EEF1AKMT1: variants seen among roughly 807,000 people sequenced by gnomAD.
EEF1AKMT1 encodes EEF1A lysine methyltransferase 1.
EEF1AKMT1 carries 18 observed loss-of-function variants against 21.0 expected under a neutral mutation model. That is an observed-to-expected ratio of 0.86 (90% CI 0.59 to 1.27). The LOEUF (loss-of-function observed/expected upper bound fraction) is 1.27. EEF1AKMT1 is among the 50% of genes most tolerant of loss of function. EEF1AKMT1 has a pLI of 0.00. For missense variants in EEF1AKMT1, 246 were observed against 258.6 expected (o/e 0.95, Z 0.33); for synonymous variants, 109 against 94.8 (o/e 1.15, Z -0.87).
chr13:20,741,320 C>G (rs988186362), intron 2 of EEF1AKMT1, among the ~76,000 whole-genome samples: 4 of 151,986 alleles, frequency 2.6e-5, no homozygotes, highest in Non-Finnish European at 5.9e-5. Flanking sequence ...TGCTCCAGTT[C>G]CCAGAGAGGC....
At chr13:20,768,910 C>T (rs1352789358) in intron 1 of EEF1AKMT1, 1 of 151,906 alleles carries the variant, frequency 6.6e-6, no homozygotes, top group Non-Finnish European at 1.5e-5. Flanking sequence ...TTACAATTCT[C>T]CCCAGAAATG....
chr13:20,756,670 G>A (rs1282859415), intron 2 of EEF1AKMT1, among the ~76,000 whole-genome samples: 3 of 152,216 alleles, frequency 2.0e-5, no homozygotes, highest in African/African-American at 7.2e-5. Flanking sequence ...AAGCCTGAAA[G>A]CCAAGCTACA....
chr13:20,749,235 A>G (rs1286376292), intron 2 of EEF1AKMT1, among the ~76,000 whole-genome samples: 1 of 152,048 alleles, frequency 6.6e-6, no homozygotes, highest in African/African-American at 2.4e-5. Context: ...TGGCCTTTCA[A>G]TACAATTTTC....
At chr13:20,759,485 C>T (rs2058988083) in intron 1 of EEF1AKMT1, among the ~76,000 whole-genome samples, 1 of 151,948 alleles carries the variant, frequency 6.6e-6, no homozygotes, top group Non-Finnish European at 1.5e-5. Context: ...GAGGCTGAGG[C>T]AGGAGAATGG....
In EEF1AKMT1 at chr13:20,757,493, C is replaced by T; in HGVS notation, c.106G>A (p.Asp36Asn). The T allele has an allele frequency of 6.2e-7, 1 of 1,614,154 alleles. No individual in the cohort carries two copies. The highest frequency in any genetic ancestry group is 8.5e-7 in the Non-Finnish European group (1 of 1,180,028). The change falls in exon 2 of 5, where the codon GAT becomes AAT. Residue 36 changes from aspartate to asparagine, a missense_variant. Coordinates refer to ENST00000382758, the MANE Select transcript of EEF1AKMT1 (RefSeq NM_001318939.2). Reference protein sequence around the residue: ...EQKQQIEPGEDDKYNIGIIEE... With the variant: ...EQKQQIEPGENDKYNIGIIEE... Reference sequence around the variant, plus strand: ...ATTATTCCAATGTTATATTTATCATCCTCGCCTGGCTCAATTTGTTGCTTT... The same window carrying T: ...ATTATTCCAATGTTATATTTATCATTCTCGCCTGGCTCAATTTGTTGCTTT...
chr13:20,768,390 C>T (rs2059047288), intron 1 of EEF1AKMT1, among the ~76,000 whole-genome samples: 1 of 152,174 alleles, frequency 6.6e-6, no homozygotes, highest in Non-Finnish European at 1.5e-5. Flanking sequence ...ATCCAATGCC[C>T]CATAAATTAT....
chr13:20,745,847 C>T (rs543075402), intron 2 of EEF1AKMT1, among the ~76,000 whole-genome samples: 2 of 149,634 alleles, frequency 1.3e-5, no homozygotes, highest in African/African-American at 4.9e-5. Flanking sequence ...GACTACATCT[C>T]GAAAAAAATA....
chr13:20,730,436 A>G (rs572626151), intron 4 of EEF1AKMT1, among the ~76,000 whole-genome samples: 1 of 152,234 alleles, frequency 6.6e-6, no homozygotes, highest in Admixed American at 6.5e-5. Context: ...CCACAACAGC[A>G]CTCAAGGGTG....
intron 1 of EEF1AKMT1, among the ~76,000 whole-genome samples, chr13:20,768,012 G>A (rs4432108): frequency 0.3 from 45,705 of 152,022 alleles, 8,605 homozygotes; most frequent in East Asian, 0.76. Context: ...CAGTTCACAT[G>A]TTCAATTTTC....
intron 2 of EEF1AKMT1, among the ~76,000 whole-genome samples, chr13:20,738,159 A>G (rs184217680): frequency 3.5e-4 from 53 of 152,324 alleles, no homozygotes; most frequent in African/African-American, 1.3e-3. Context: ...TTAAGCTTCT[A>G]GGTTCAACCA....
chr13:20,738,572 G>A (rs1402817985), intron 2 of EEF1AKMT1, among the ~76,000 whole-genome samples: 2 of 152,176 alleles, frequency 1.3e-5, no homozygotes, highest in Non-Finnish European at 2.9e-5. Context: ...TCTGCCCTGT[G>A]TGGAAACAAC....
chr13:20,765,415 T>TG (rs1566539271), intron 1 of EEF1AKMT1, among the ~76,000 whole-genome samples: 3 of 127,622 alleles, frequency 2.4e-5, no homozygotes, highest in African/African-American at 9.2e-5. Context: ...GTTTTTTTTT[T>TG]TTTTTTTTTT....
chr13:20,758,689 A>G (rs1389410403), intron 1 of EEF1AKMT1, among the ~76,000 whole-genome samples: 2 of 152,212 alleles, frequency 1.3e-5, no homozygotes, highest in African/African-American at 2.4e-5. Context: ...TTCATATGGA[A>G]CTAAAAAAGA....
intron 2 of EEF1AKMT1, among the ~76,000 whole-genome samples, chr13:20,743,452 T>C (rs2058884041): frequency 1.3e-5 from 2 of 151,356 alleles, no homozygotes; most frequent in Middle Eastern, 3.4e-3. Context: ...AATTTTTTTT[T>C]CCAAATCTAG....
At chr13:20,739,695 C>T (rs1360347998) in intron 2 of EEF1AKMT1, among the ~76,000 whole-genome samples, 1 of 152,210 alleles carries the variant, frequency 6.6e-6, no homozygotes, top group African/African-American at 2.4e-5. Context: ...AATCCTTTAG[C>T]TAGACACAAA....
chr13:20,754,656 C>A (rs1779060748), intron 2 of EEF1AKMT1, among the ~76,000 whole-genome samples: 3 of 151,166 alleles, frequency 2.0e-5, no homozygotes, highest in Non-Finnish European at 4.4e-5. Flanking sequence ...TGCCTGTAAT[C>A]CCAGTACTTT....
intron 3 of EEF1AKMT1, among the ~76,000 whole-genome samples, chr13:20,735,994 T>G (rs1357688079): frequency 6.6e-6 from 1 of 151,324 alleles, no homozygotes; most frequent in Non-Finnish European, 1.5e-5. Flanking sequence ...GAAGATCAGG[T>G]CCAATATTCA....
chr13:20,740,722 G>A (rs572538515), intron 2 of EEF1AKMT1, among the ~76,000 whole-genome samples: 67 of 152,322 alleles, frequency 4.4e-4, no homozygotes, highest in African/African-American at 1.3e-3. Flanking sequence ...AGAATCGCTT[G>A]AACCTGGGAG....
intron 1 of EEF1AKMT1, among the ~76,000 whole-genome samples, chr13:20,771,094 A>C (rs2059060809): frequency 3.3e-5 from 5 of 151,832 alleles, no homozygotes; most frequent in Non-Finnish European, 1.5e-5. Context: ...CTGGTCCTGA[A>C]CTCCTCGATT....
Sources: allele counts gnomAD v4.1 joint callset (sites outside exome capture counted in the v4.1 genomes callset), GRCh38; gene constraint gnomAD v4.1.1; transcripts MANE v1.5; gene names NCBI Gene and HGNC (gene_info 2026-07-23, HGNC 2026-07-21).